The following CMIP variants were observed in gnomAD, a reference collection of about 807,000 sequenced individuals.
CMIP encodes the protein c-Maf inducing protein.
Under a neutral mutation model 97.3 loss-of-function variants are expected in CMIP, and 13 were observed. The ratio of observed to expected loss-of-function variants is 0.13; its 90% CI spans 0.09 to 0.21. The LOEUF (loss-of-function observed/expected upper bound fraction) is 0.21, where lower values mean the gene tolerates loss of function less well. Among genes scored for constraint, CMIP ranks in the 10% least tolerant of loss-of-function variants. The pLI, the probability that CMIP is intolerant of heterozygous loss-of-function variation, is 1.00. For synonymous variants in CMIP, 538 were observed against 436.3 expected, an observed-to-expected ratio of 1.23 and a Z score of -2.91; for missense variants, 847 against 1,024.9, an observed-to-expected ratio of 0.83 and a Z score of 2.37.
At chr16:81,500,071 C>T (rs2089568846) in intron 1 of CMIP, among the ~76,000 whole-genome samples, 1 of 152,096 alleles carries the variant, frequency 6.6e-6, no homozygotes. Flanking sequence ...CTTCTTCAGC[C>T]ACTCCTTGGT....
intron 13 of CMIP, among the ~76,000 whole-genome samples, chr16:81,693,997 C>T (rs1165177857): frequency 6.6e-6 from 1 of 152,208 alleles, no homozygotes; most frequent in African/African-American, 2.4e-5. Context: ...GGGCAGGGAC[C>T]TAGGCAGGCA....
chr16:81,463,083 A>G (rs1169648690), intron 1 of CMIP, among the ~76,000 whole-genome samples: 5 of 152,180 alleles, frequency 3.3e-5, no homozygotes, highest in Non-Finnish European at 4.4e-5. Context: ...ATGTGAATGG[A>G]GCAGTGGACG....
At chr16:81,499,336 A>G (rs2089552960) in intron 1 of CMIP, among the ~76,000 whole-genome samples, 1 of 152,152 alleles carries the variant, frequency 6.6e-6, no homozygotes, top group Admixed American at 6.5e-5. Flanking sequence ...CTCTGCACAC[A>G]CACACCACTT....
intron 1 of CMIP, among the ~76,000 whole-genome samples, chr16:81,526,673 C>G (rs1352136574): frequency 2.6e-5 from 4 of 152,160 alleles, no homozygotes; most frequent in African/African-American, 9.7e-5. Context: ...AGAAGGGGCC[C>G]AGAGGCTTCA....
chr16:81,516,339 T>C (rs1232231381), intron 1 of CMIP, among the ~76,000 whole-genome samples: 1 of 152,222 alleles, frequency 6.6e-6, no homozygotes, highest in Non-Finnish European at 1.5e-5. Flanking sequence ...TAAACGTTCT[T>C]CTAGCTCCCC....
intron 10 of CMIP, among the ~76,000 whole-genome samples, chr16:81,688,622 T>C (rs1256374324): frequency 6.6e-6 from 1 of 152,232 alleles, no homozygotes; most frequent in Admixed American, 6.5e-5. Flanking sequence ...GAGCTGCTGT[T>C]GTTATTGTCA....
intron 1 of CMIP, among the ~76,000 whole-genome samples, chr16:81,531,039 G>A (rs28575068): frequency 0.012 from 1,777 of 152,256 alleles, 34 homozygotes; most frequent in African/African-American, 0.041. Flanking sequence ...GCACGTTTAC[G>A]CTGTAGTCTC....
chr16:81,637,679 T>C (rs551797435), intron 3 of CMIP, among the ~76,000 whole-genome samples: 13 of 152,224 alleles, frequency 8.5e-5, no homozygotes, highest in Non-Finnish European at 1.5e-5. Context: ...GCCTCTGAGC[T>C]CCCAGGAGTG....
chr16:81,622,404 G>A (rs939512936), intron 3 of CMIP, among the ~76,000 whole-genome samples: 3 of 152,128 alleles, frequency 2.0e-5, no homozygotes, highest in African/African-American at 4.8e-5. Context: ...CTTTGTGCCC[G>A]GGTACGAGTG....
At chr16:81,544,857 G>A (rs1222755778) in intron 1 of CMIP, among the ~76,000 whole-genome samples, 1 of 152,090 alleles carries the variant, frequency 6.6e-6, no homozygotes, top group Non-Finnish European at 1.5e-5. Context: ...TCTGCTTCCG[G>A]TTTCTGGGGT....
chr16:81,662,610 C>G (rs908462010), intron 6 of CMIP, among the ~76,000 whole-genome samples: 2 of 152,188 alleles, frequency 1.3e-5, no homozygotes, highest in Non-Finnish European at 2.9e-5. Context: ...CTGCCAAATT[C>G]CAAGATCTGA....
At position 81,532,125 on chromosome 16, in the gene CMIP, C is replaced by T. The variant is rs541172604; in HGVS notation, c.301-75442C>T. Among the ~76,000 whole-genome samples, 17 of 152,218 alleles carry T rather than the reference C, an allele frequency of 1.1e-4. 1 individual carries two copies. Among genetic ancestry groups the T allele is most frequent in the Non-Finnish European group, 2.2e-4 (15 of 68,044 alleles). ...TCGAGGCCAAGGACAGCTAAAGAAG[C>T]GAGGTGCGCAAGGTGCCCAGGTCCG... is the stretch of plus-strand genomic sequence containing the variant. On this transcript the variant is annotated intron_variant, in intron 1 of 20. Transcript: ENST00000537098.
intron 1 of CMIP, among the ~76,000 whole-genome samples, chr16:81,526,414 C>T (rs139038267): frequency 9.9e-5 from 15 of 152,260 alleles, no homozygotes; most frequent in African/African-American, 2.9e-4. Flanking sequence ...ATAGAAATCG[C>T]GGGTGTTTGC....
In CMIP at chr16:81,614,094, A is replaced by G. The variant is rs959738835; in HGVS notation, c.426+6402A>G. ...TTGGGGATGGGGAGGGGAAGGCACCATCAAGACAGTCATTCTGGAGAAGTG... is the reference window on the plus strand; with the variant it reads ...TTGGGGATGGGGAGGGGAAGGCACCGTCAAGACAGTCATTCTGGAGAAGTG... On this transcript the variant is annotated intron_variant, in intron 2 of 20. Coordinates refer to ENST00000537098, the MANE Select transcript of CMIP (RefSeq NM_198390.3). The surrounding 1 kb of genome is among the most constrained non-coding windows in gnomAD (Gnocchi z 5.3). 1.3e-5 allele frequency among the ~76,000 whole-genome samples: 2 copies of G among 152,214 alleles called. No homozygotes were observed. Among genetic ancestry groups the G allele is most frequent in the South Asian group, 2.1e-4 (1 of 4,832 alleles).
intron 16 of CMIP, 45 bp downstream of exon 16, chr16:81,701,845 A>AG (rs754434745): frequency 9.9e-6 from 16 of 1,608,680 alleles, no homozygotes; most frequent in South Asian, 3.3e-5. Context: ...CCAGCAGGCC[A>AG]GGGGGGGCCA....
chr16:81,501,464 G>A (rs9926584), intron 1 of CMIP, among the ~76,000 whole-genome samples: 118 of 151,086 alleles, frequency 7.8e-4, no homozygotes, highest in African/African-American at 2.4e-3. Flanking sequence ...ATAAGGTTAC[G>A]CTATTAAATA....
At chr16:81,508,341 C>T (rs1047135122) in intron 1 of CMIP, among the ~76,000 whole-genome samples, 2 of 152,170 alleles carry the variant, frequency 1.3e-5, no homozygotes, top group South Asian at 2.1e-4. Context: ...GACGCAAATA[C>T]GTACAAATTT....
chr16:81,499,198 T>C (rs1379191420), intron 1 of CMIP, among the ~76,000 whole-genome samples: 1 of 152,116 alleles, frequency 6.6e-6, no homozygotes. Context: ...ATTCACACTG[T>C]GAACGTGTCC....
At chr16:81,667,401 G>A (rs893963666) in intron 7 of CMIP, 5 of 152,212 alleles carry the variant, frequency 3.3e-5, no homozygotes, top group African/African-American at 9.7e-5. Context: ...TGGCAAAGGA[G>A]GCGAGAAGAC....
Sources: gnomAD v4.1 joint callset for allele counts (sites outside exome capture counted in the v4.1 genomes callset) on GRCh38, gnomAD v4.1.1 for gene constraint, Gnocchi (gnomAD v3.1) non-coding constraint, MANE v1.5 for transcripts, NCBI Gene and HGNC (gene_info 2026-07-23, HGNC 2026-07-21) for gene names.